The following GALNT13 variants were observed in gnomAD, a reference collection of about 807,000 sequenced individuals.
GALNT13 encodes polypeptide N-acetylgalactosaminyltransferase 13, also known as UDP-GalNAc:polypeptide N-acetylgalactosaminyltransferase 13.
Under a neutral mutation model 64.2 loss-of-function variants are expected in GALNT13, and 28 were observed. That is an observed-to-expected ratio of 0.44 (90% CI 0.32 to 0.60). The LOEUF (loss-of-function observed/expected upper bound fraction) is 0.60. GALNT13 is among the 20% of genes least tolerant of loss of function. The probability of loss-of-function intolerance (pLI) is 0.05; values close to 1 mark genes in which losing one functional copy is unlikely to be tolerated. For synonymous variants in GALNT13, 214 were observed against 224.6 expected, an observed-to-expected ratio of 0.95 and a Z score of 0.42; for missense variants, 577 against 669.8, an observed-to-expected ratio of 0.86 and a Z score of 1.53.
chr2:153,893,598 A>G (rs1201919544), intron 1 of GALNT13, among the ~76,000 whole-genome samples: 3 of 96,280 alleles, frequency 3.1e-5, no homozygotes, highest in Non-Finnish European at 8.6e-5. Flanking sequence ...AAATTATGTC[A>G]TTATTTACAA....
At chr2:153,761,184 CTA>C in the GALNT13 span, among the ~76,000 whole-genome samples, 1 of 152,048 alleles carries the variant, frequency 6.6e-6, no homozygotes. Context: ...GTCAGTAACT[CTA>C]TGTCTTTTTA....
At chr2:153,609,168 G>T in the GALNT13 span, among the ~76,000 whole-genome samples, 1 of 110,944 alleles carries the variant, frequency 9.0e-6, no homozygotes, top group African/African-American at 4.1e-5. Flanking sequence ...TCTTGAACTT[G>T]TGAGCCTGCC....
the GALNT13 span, among the ~76,000 whole-genome samples, chr2:153,847,291 A>C: frequency 1.3e-5 from 2 of 152,262 alleles, no homozygotes; most frequent in African/African-American, 4.8e-5. Flanking sequence ...AACTACGGGC[A>C]GTAATAAAAG....
At chr2:153,851,644 A>G in the GALNT13 span, among the ~76,000 whole-genome samples, 5 of 152,206 alleles carry the variant, frequency 3.3e-5, no homozygotes, top group Admixed American at 1.3e-4. Context: ...GTTTGAAGCT[A>G]TAGTGAGATC....
upstream of GALNT13, among the ~76,000 whole-genome samples, chr2:153,869,644 C>G (rs896106868): frequency 3.3e-5 from 5 of 152,088 alleles, no homozygotes; most frequent in African/African-American, 1.2e-4. Context: ...TGACTTTAAC[C>G]TTGGTCAGTT....
chr2:154,274,847 A>G (rs528309056), intron 8 of GALNT13, among the ~76,000 whole-genome samples: 2 of 152,288 alleles, frequency 1.3e-5, no homozygotes, highest in Admixed American at 1.3e-4. Context: ...TGGAGGGATC[A>G]GAAGACAGGA....
At chr2:153,203,206 C>A in the GALNT13 span, among the ~76,000 whole-genome samples, 1 of 152,190 alleles carries the variant, frequency 6.6e-6, no homozygotes, top group Non-Finnish European at 1.5e-5. Flanking sequence ...TGAAACTGTT[C>A]ATGTTGTTTT....
chr2:154,346,568 C>A (rs1696079687), intron 9 of GALNT13, among the ~76,000 whole-genome samples: 1 of 152,062 alleles, frequency 6.6e-6, no homozygotes, highest in African/African-American at 2.4e-5. Flanking sequence ...GCTTGGCTCT[C>A]ATTTTCCCTT....
intron 8 of GALNT13, among the ~76,000 whole-genome samples, chr2:154,279,483 A>T (rs1055850770): frequency 1.3e-5 from 2 of 152,192 alleles, no homozygotes; most frequent in Non-Finnish European, 2.9e-5. Flanking sequence ...GATAGAATTT[A>T]TATGGAGCTT....
the GALNT13 span, among the ~76,000 whole-genome samples, chr2:153,635,467 C>T: frequency 5.3e-5 from 5 of 94,828 alleles, no homozygotes; most frequent in South Asian, 3.2e-4. Context: ...TATGTGTATA[C>T]GTTTGTTTTT....
upstream of GALNT13, among the ~76,000 whole-genome samples, chr2:153,869,426 C>G (rs1050381986): frequency 2.6e-5 from 4 of 152,092 alleles, no homozygotes; most frequent in African/African-American, 9.7e-5. Context: ...ATTTCCTCAG[C>G]TTTTCTTTGA....
At chr2:154,094,405 T>C (rs544397107) in intron 3 of GALNT13, among the ~76,000 whole-genome samples, 10 of 152,092 alleles carry the variant, frequency 6.6e-5, no homozygotes, top group Non-Finnish European at 1.3e-4. Flanking sequence ...CAAACTCTTA[T>C]GGTTACTAAG....
intron 3 of GALNT13, among the ~76,000 whole-genome samples, chr2:154,098,908 GA>G (rs1259968279): frequency 2.6e-3 from 327 of 126,676 alleles, no homozygotes; most frequent in African/African-American, 8.9e-3. Flanking sequence ...TGTATATAAT[GA>G]TTTTTTTTTT....
chr2:153,880,236 G>C (rs915197323), intron 1 of GALNT13, among the ~76,000 whole-genome samples: 3 of 151,988 alleles, frequency 2.0e-5, no homozygotes, highest in African/African-American at 7.2e-5. Context: ...GTATAAGATG[G>C]AATATTTGTA....
intron 9 of GALNT13, among the ~76,000 whole-genome samples, chr2:154,374,630 T>C (rs951330882): frequency 6.6e-6 from 1 of 152,224 alleles, no homozygotes; most frequent in Non-Finnish European, 1.5e-5. Flanking sequence ...AAGTTGTCAT[T>C]GCACATAATT....
the GALNT13 span, among the ~76,000 whole-genome samples, chr2:153,372,100 T>C: frequency 6.6e-6 from 1 of 152,190 alleles, no homozygotes; most frequent in Non-Finnish European, 1.5e-5. Flanking sequence ...TGACTTAGTG[T>C]GTGTTGAAAT....
the GALNT13 span, among the ~76,000 whole-genome samples, chr2:153,856,302 T>C: frequency 4.6e-5 from 7 of 152,164 alleles, no homozygotes; most frequent in Middle Eastern, 3.2e-3. Flanking sequence ...AATAGATAGA[T>C]AGTTGTTTTA....
chr2:153,171,753 C>A, the GALNT13 span, among the ~76,000 whole-genome samples: 1 of 152,092 alleles, frequency 6.6e-6, no homozygotes, highest in Non-Finnish European at 1.5e-5. Context: ...ATATAAAAAC[C>A]TAAAATGGCC....
intron 8 of GALNT13, among the ~76,000 whole-genome samples, chr2:154,282,950 C>T (rs1574012820): frequency 2.0e-5 from 3 of 152,170 alleles, no homozygotes; most frequent in Admixed American, 1.3e-4. Context: ...AAGGCATTCT[C>T]TCAATCAAAA....
Sources: allele counts gnomAD v4.1 joint callset (sites outside exome capture counted in the v4.1 genomes callset), GRCh38; gene constraint gnomAD v4.1.1; transcripts MANE v1.5; gene names NCBI Gene and HGNC (gene_info 2026-07-23, HGNC 2026-07-21).